DBNL: variants seen among roughly 807,000 people sequenced by gnomAD.
DBNL encodes the protein drebrin like.
Under a neutral mutation model 62.2 loss-of-function variants are expected in DBNL, and 35 were observed. That is an observed-to-expected ratio of 0.56 (90% CI 0.43 to 0.75). The LOEUF is 0.75. Ranked by LOEUF, DBNL falls within the 30% of genes least tolerant of loss-of-function variation. The pLI, the probability that DBNL is intolerant of heterozygous loss-of-function variation, is 0.00. For synonymous variants in DBNL, 197 were observed against 218.0 expected (o/e 0.90, Z 0.85); for missense variants, 495 against 578.4 (o/e 0.86, Z 1.48).
At chr7:44,055,415 C>T (rs1039011195) in intron 4 of DBNL, among the ~76,000 whole-genome samples, 10 of 151,998 alleles carry the variant, frequency 6.6e-5, no homozygotes, top group South Asian at 4.1e-4. Context: ...TGCAGTGAGC[C>T]GAGATTGTCC....
intron 3 of DBNL, among the ~76,000 whole-genome samples, chr7:44,052,520 G>T (rs1349792346): frequency 1.3e-5 from 2 of 151,252 alleles, no homozygotes; most frequent in Non-Finnish European, 2.9e-5. Context: ...TGAGGCAAGA[G>T]AATTGCTTGA....
intron 4 of DBNL, 44 bp downstream of exon 4, chr7:44,052,985 G>A: frequency 6.3e-7 from 1 of 1,595,984 alleles, no homozygotes; most frequent in Non-Finnish European, 8.5e-7. Context: ...AGGCCTCACA[G>A]GCTTGAGGTC....
intron 1 of DBNL, among the ~76,000 whole-genome samples, chr7:44,048,157 C>T (rs1346979122): frequency 6.6e-6 from 1 of 152,186 alleles, no homozygotes; most frequent in Non-Finnish European, 1.5e-5. Flanking sequence ...TCAGGTGATC[C>T]ACCCGCCTTG....
rs1319531962 is a variant in DBNL, at chr7:44,067,568, T to C, written c.*6652T>C. 6.6e-6 allele frequency: 1 copy of C among 152,248 alleles called. No individual in the cohort carries two copies. The allele number at this position is 152,248 out of a possible 1,614,324, so 9.4% of individuals were successfully genotyped here. ...CCTGCTTCTGACCCTTGGCTCCGGC[T>C]TGACTTTCCTTTGATTCATTTGACA... On this transcript the variant is annotated 3_prime_UTR_variant, in exon 13 of 13. Transcript: ENST00000448521.
In DBNL at chr7:44,064,420, C is replaced by G; in HGVS notation, c.*3504C>G. 3.5e-6 allele frequency: 1 copy of G among 289,574 alleles called. No individual in the cohort carries two copies. Among genetic ancestry groups the G allele is most frequent in the South Asian group, 3.4e-5 (1 of 29,700 alleles). The allele number at this position is 289,574 out of a possible 1,614,324, so 17.9% of individuals were successfully genotyped here. A position where few individuals can be genotyped will look rare whatever the true frequency, so the allele number is the denominator to read the frequency against. On this transcript the variant is annotated 3_prime_UTR_variant, in exon 13 of 13. Coordinates refer to ENST00000448521, the MANE Select transcript of DBNL (RefSeq NM_001014436.3). ...GTCCAAGCCTACATCAAGAGGAATT[C>G]AGTACCAGGGGGAGCTCCCCACCAC...
chr7:44,065,149 G>C lies in DBNL; in HGVS notation c.*4233G>C. 1.2e-6 allele frequency: 2 copies of C among 1,614,090 alleles called. No individual in the cohort carries two copies. On this transcript the variant is annotated 3_prime_UTR_variant, in exon 13 of 13. Coordinates refer to ENST00000448521, the MANE Select transcript of DBNL (RefSeq NM_001014436.3). ...TGGAGTTGTAGTAGGGGTGCTTCTC[G>C]TCCATCGGGGGCGGCGGGATGTCGA... is the stretch of plus-strand genomic sequence containing the variant.
In DBNL at chr7:44,060,132, G is replaced by T. The variant is rs1187780703; in HGVS notation, c.1132G>T (p.Ala378Ser). ...GLSGQGLCAR[A>S]LYDYQAADDT... ...CAGTGGGCAAGGGCTCTGTGCCCGT[G>T]CCCTGTACGACTACCAGGCAGGTAA... The change falls in exon 12 of 13, where the codon GCC (alanine) becomes TCC (serine). Residue 378 changes from alanine (A) to serine (S), a missense_variant. Ala to Ser is a moderately conservative substitution (Grantham distance 99). Transcript: ENST00000448521. This position sits in a 1 kb window ranked among gnomAD's most constrained non-coding sequence, Gnocchi z 6.3. 6.2e-7 allele frequency: 1 copy of T among 1,612,490 alleles called. No homozygotes were observed. Among genetic ancestry groups the T allele is most frequent in the Non-Finnish European group, 8.5e-7 (1 of 1,179,068 alleles).
chr7:44,055,317 A>G (rs1395834824), intron 4 of DBNL, among the ~76,000 whole-genome samples: 3 of 152,140 alleles, frequency 2.0e-5, no homozygotes, highest in Non-Finnish European at 2.9e-5. Context: ...AAAATACAAC[A>G]ATTAGCCAGG....
intron 4 of DBNL, among the ~76,000 whole-genome samples, chr7:44,056,304 G>C (rs1205905545): frequency 6.6e-6 from 1 of 152,128 alleles, no homozygotes; most frequent in Non-Finnish European, 1.5e-5. Flanking sequence ...CTGTAGTTTT[G>C]TAGTTTAATT....
intron 4 of DBNL, among the ~76,000 whole-genome samples, chr7:44,055,562 T>C (rs2096134759): frequency 6.6e-6 from 1 of 152,242 alleles, no homozygotes; most frequent in South Asian, 2.1e-4. Flanking sequence ...TCCACATCCT[T>C]GCTAGCATTT....
chr7:44,045,329 G>C (rs1363509203), intron 1 of DBNL, among the ~76,000 whole-genome samples: 1 of 152,244 alleles, frequency 6.6e-6, no homozygotes, highest in Non-Finnish European at 1.5e-5. Context: ...TTCAGACGAG[G>C]AGCTCAGGGA....
At position 44,060,197 on chromosome 7, in the gene DBNL, G is replaced by A. The variant is rs377766058; in HGVS notation, c.1153+44G>A. 3.1e-5 allele frequency: 48 copies of A among 1,554,066 alleles called. No homozygotes were observed. Among genetic ancestry groups the A allele is most frequent in the Non-Finnish European group, 3.8e-5 (43 of 1,132,490 alleles). ...GCTGGCACAGACCACAGGGTCCTGA[G>A]GTTAGGAGACAAGAGGGTCTGGGGT... On this transcript the variant is annotated intron_variant, in intron 12 of 12. Coordinates refer to ENST00000448521, the MANE Select transcript of DBNL (RefSeq NM_001014436.3). This position sits in a 1 kb window ranked among gnomAD's most constrained non-coding sequence, Gnocchi z 6.3.
rs1348982967 is a variant in DBNL, at chr7:44,051,955, T to A, written c.252+13T>A. The A allele has an allele frequency of 2.5e-6, 4 of 1,610,864 alleles. No individual in the cohort carries two copies. In the African/African-American group the frequency reaches 5.3e-5, roughly 22 times the overall value. ...CCTCATCAACTGGGTATGTGGAGCC[T>A]GTTTCATCTAGGTGTGACCCAGGAA... On this transcript the variant is annotated intron_variant, in intron 3 of 12. Coordinates refer to ENST00000448521, the MANE Select transcript of DBNL (RefSeq NM_001014436.3).
rs111227039 is a variant in DBNL, at chr7:44,047,192, C to T, written c.83+2372C>T. Among the ~76,000 whole-genome samples the T allele has an allele frequency of 3.9e-5, 6 of 152,272 alleles. No individual in the cohort carries two copies. In the South Asian group the frequency reaches 8.3e-4, roughly 21 times the overall value. ...GAAATCCTTATGGATTTTCTTGTCACCTTTATCTCTTACTAGAAGGGGTGG... is the reference window on the plus strand; with the variant it reads ...GAAATCCTTATGGATTTTCTTGTCATCTTTATCTCTTACTAGAAGGGGTGG... On this transcript the variant is annotated intron_variant, in intron 1 of 12. Transcript: ENST00000448521.
intron 3 of DBNL, 113 bp from the exon 4 acceptor site, chr7:44,052,754 T>C: frequency 8.0e-7 from 1 of 1,248,630 alleles, no homozygotes; most frequent in Non-Finnish European, 1.1e-6. Context: ...TAGGTTCTGC[T>C]TTGGGGGTTG....
In DBNL at chr7:44,048,816, C is replaced by T. The variant is rs2096121637; in HGVS notation, c.84-1409C>T. Among the ~76,000 whole-genome samples, 4 of 152,314 alleles carry T rather than the reference C, an allele frequency of 2.6e-5. No homozygotes were observed. The South Asian group carries it at 8.3e-4, about 32-fold the overall frequency. On this transcript the variant is annotated intron_variant, in intron 1 of 12. Transcript: ENST00000448521. ...ATGTTCAGTTGCTGCAAGGTTCATG[C>T]TATTAGCAAGCCAGAATGAATCTTT...
rs2096164248 is a variant in DBNL at position 44,068,886 on chromosome 7, G to T, written c.*7970G>T. The T allele has an allele frequency of 6.6e-6, 1 of 152,148 alleles. No individual in the cohort carries two copies. Among genetic ancestry groups the T allele is most frequent in the South Asian group, 2.1e-4 (1 of 4,826 alleles). 9.4% of individuals were successfully genotyped at this position (152,148 alleles called of 1,614,324 possible). A position where few individuals can be genotyped will look rare whatever the true frequency, so the allele number is the denominator to read the frequency against. ...GAAACTTCTGAAAACTAAAGACCAA[G>T]AAAAATAAGATCAGCCAGAGAAAAA... On this transcript the variant is annotated 3_prime_UTR_variant, in exon 13 of 13. Transcript: ENST00000448521.
chr7:44,066,789 A>AC lies in DBNL; in HGVS notation c.*5878dup, dbSNP rs2096160953. On this transcript the variant is annotated 3_prime_UTR_variant, in exon 13 of 13. Coordinates refer to ENST00000448521, the MANE Select transcript of DBNL (RefSeq NM_001014436.3). Reference sequence around the variant, plus strand: ...GGGCAAAGTCCTGTCGGCTGCCAGGACCCCCAAGGCTGGCAGGTGGAACCC... The same window carrying AC: ...GGGCAAAGTCCTGTCGGCTGCCAGGACCCCCCAAGGCTGGCAGGTGGAACCC... 6.6e-6 allele frequency: 1 copy of AC among 151,936 alleles called. No homozygotes were observed. Among genetic ancestry groups the AC allele is most frequent in the South Asian group, 2.1e-4 (1 of 4,782 alleles). The allele number at this position is 151,936 out of a possible 1,614,324, so 9.4% of individuals were successfully genotyped here.
rs1417733575 is a variant in DBNL, at chr7:44,065,359, C to T, written c.*4443C>T. 3.7e-6 allele frequency: 6 copies of T among 1,613,920 alleles called. No homozygotes were observed. Among genetic ancestry groups the T allele is most frequent in the South Asian group, 1.1e-5 (1 of 91,086 alleles). On this transcript the variant is annotated 3_prime_UTR_variant, in exon 13 of 13. Coordinates refer to ENST00000448521, the MANE Select transcript of DBNL (RefSeq NM_001014436.3). ...TGCGGATGGCCCGCTTCAGCACTGA[C>T]GTGTAGCAGATGTCAAACTCCATCT... is the stretch of plus-strand genomic sequence containing the variant.
Sources: gnomAD v4.1 joint callset for allele counts (sites outside exome capture counted in the v4.1 genomes callset) on GRCh38, gnomAD v4.1.1 for gene constraint, Gnocchi (gnomAD v3.1) non-coding constraint, MANE v1.5 for transcripts, NCBI Gene and HGNC (gene_info 2026-07-23, HGNC 2026-07-21) for gene names.